Variants in BTBD9 observed in about 807,000 individuals in gnomAD.
BTBD9 encodes BTB/POZ domain-containing protein 9.
BTBD9 carries 49 observed loss-of-function variants against 64.3 expected under a neutral mutation model. The ratio of observed to expected loss-of-function variants is 0.76; its 90% CI spans 0.61 to 0.97. The LOEUF (loss-of-function observed/expected upper bound fraction) is 0.97, where lower values mean the gene tolerates loss of function less well. BTBD9 is among the 50% of genes least tolerant of loss of function. BTBD9 has a pLI of 0.00. For synonymous variants in BTBD9, 260 were observed against 274.7 expected, an observed-to-expected ratio of 0.95 and a Z score of 0.53; for missense variants, 598 against 762.1, an observed-to-expected ratio of 0.78 and a Z score of 2.53.
intron 8 of BTBD9, 60 bp from the exon 9 acceptor site, chr6:38,256,576 T>A (rs1764587558): frequency 2.4e-6 from 3 of 1,262,178 alleles, no homozygotes; most frequent in Non-Finnish European, 3.5e-6. Flanking sequence ...TTTCTTTAGG[T>A]TGTGGGCATA....
At chr6:38,351,721 G>A (rs1003476985) in intron 6 of BTBD9, among the ~76,000 whole-genome samples, 5 of 151,726 alleles carry the variant, frequency 3.3e-5, no homozygotes, top group African/African-American at 1.2e-4. Flanking sequence ...GTATGGTCTC[G>A]ATCTCCTGAC....
intron 6 of BTBD9, among the ~76,000 whole-genome samples, chr6:38,450,260 T>C (rs1003226519): frequency 6.6e-6 from 1 of 152,148 alleles, no homozygotes; most frequent in Non-Finnish European, 1.5e-5. Flanking sequence ...GAGGCTGCGG[T>C]GTTTAGCAGG....
intron 6 of BTBD9, among the ~76,000 whole-genome samples, chr6:38,400,528 A>G (rs1455535167): frequency 6.6e-6 from 1 of 151,824 alleles, no homozygotes; most frequent in Non-Finnish European, 1.5e-5. Context: ...TTCTCCCCAA[A>G]AGCCTTCTTT....
chr6:38,584,941 T>A (rs1289944966), intron 4 of BTBD9, among the ~76,000 whole-genome samples: 1 of 152,118 alleles, frequency 6.6e-6, no homozygotes, highest in East Asian at 1.9e-4. Context: ...GAGTATTTGC[T>A]TGGTGAGTCA....
At chr6:38,320,621 A>G (rs1763196867) in intron 7 of BTBD9, among the ~76,000 whole-genome samples, 1 of 152,144 alleles carries the variant, frequency 6.6e-6, no homozygotes, top group Non-Finnish European at 1.5e-5. Context: ...CCATTTAACC[A>G]TTCTGTGACT....
intron 6 of BTBD9, among the ~76,000 whole-genome samples, chr6:38,567,559 C>T (rs1323891956): frequency 1.3e-5 from 2 of 152,176 alleles, no homozygotes; most frequent in Admixed American, 6.5e-5. Context: ...TCCAAGTGTT[C>T]GTGCTACCAC....
chr6:38,542,016 G>A (rs1277419016), intron 6 of BTBD9, among the ~76,000 whole-genome samples: 1 of 152,122 alleles, frequency 6.6e-6, no homozygotes, highest in African/African-American at 2.4e-5. Flanking sequence ...AATATACAGG[G>A]AGGAGAGATC....
At chr6:38,608,370 G>A (rs150184920) in intron 1 of BTBD9, among the ~76,000 whole-genome samples, 123 of 152,298 alleles carry the variant, frequency 8.1e-4, no homozygotes, top group African/African-American at 2.5e-3. Flanking sequence ...CATGATGAGC[G>A]CAGAGGTTAT....
intron 6 of BTBD9, among the ~76,000 whole-genome samples, chr6:38,425,234 T>C (rs1768093240): frequency 6.6e-6 from 1 of 151,408 alleles, no homozygotes; most frequent in Non-Finnish European, 1.5e-5. Context: ...GCCTCCTGAG[T>C]AGCTGAGATT....
intron 6 of BTBD9, among the ~76,000 whole-genome samples, chr6:38,428,713 T>C (rs1329148881): frequency 6.6e-6 from 1 of 151,162 alleles, no homozygotes; most frequent in Non-Finnish European, 1.5e-5. Flanking sequence ...TTTTCGTTTT[T>C]TCTTTTTTTT....
intron 6 of BTBD9, among the ~76,000 whole-genome samples, chr6:38,438,392 C>A (rs1768853960): frequency 6.6e-6 from 1 of 152,080 alleles, no homozygotes; most frequent in Non-Finnish European, 1.5e-5. Context: ...GTACAAGGTG[C>A]AGAGTATAGC....
At chr6:38,627,734 G>A (rs1203104271) in intron 1 of BTBD9, among the ~76,000 whole-genome samples, 1 of 152,052 alleles carries the variant, frequency 6.6e-6, no homozygotes, top group Non-Finnish European at 1.5e-5. Context: ...TCCTTAAAAA[G>A]TGATTTTTTT....
At chr6:38,286,697 A>G (rs2127554360) in intron 8 of BTBD9, among the ~76,000 whole-genome samples, 1 of 152,334 alleles carries the variant, frequency 6.6e-6, no homozygotes, top group Non-Finnish European at 1.5e-5. Flanking sequence ...GACGAACTGC[A>G]TTTATGATTG....
At chr6:38,444,156 A>G (rs1045536096) in intron 6 of BTBD9, among the ~76,000 whole-genome samples, 4 of 152,268 alleles carry the variant, frequency 2.6e-5, no homozygotes, top group Admixed American at 6.5e-5. Context: ...AACCATCTAG[A>G]AGAGGTTAAA....
chr6:38,564,437 G>T (rs1775393561), intron 6 of BTBD9, among the ~76,000 whole-genome samples: 1 of 152,180 alleles, frequency 6.6e-6, no homozygotes, highest in African/African-American at 2.4e-5. Context: ...TTCTCTGGAA[G>T]AAGTGGCATT....
intron 6 of BTBD9, among the ~76,000 whole-genome samples, chr6:38,555,924 A>T (rs916864804): frequency 2.6e-5 from 4 of 152,238 alleles, no homozygotes; most frequent in Admixed American, 6.5e-5. Context: ...AACAATCAGT[A>T]AAACACTATA....
intron 6 of BTBD9, among the ~76,000 whole-genome samples, chr6:38,468,625 A>G (rs1211078312): frequency 6.6e-6 from 1 of 152,200 alleles, no homozygotes; most frequent in Non-Finnish European, 1.5e-5. Context: ...AGCCCCTTGA[A>G]GGCAGAAATC....
intron 6 of BTBD9, among the ~76,000 whole-genome samples, chr6:38,358,891 C>T (rs1764840414): frequency 1.3e-5 from 2 of 151,940 alleles, no homozygotes; most frequent in South Asian, 4.2e-4. Flanking sequence ...CCTGCCTCAG[C>T]CTCCCGAGTA....
At chr6:38,406,675 C>T (rs141697175) in intron 6 of BTBD9, among the ~76,000 whole-genome samples, 7 of 152,270 alleles carry the variant, frequency 4.6e-5, no homozygotes, top group African/African-American at 7.2e-5. Context: ...CTACAGGTAT[C>T]GTGTCATCTG....
Sources: allele counts gnomAD v4.1 joint callset (sites outside exome capture counted in the v4.1 genomes callset), GRCh38; gene constraint gnomAD v4.1.1; transcripts MANE v1.5; gene names NCBI Gene and HGNC (gene_info 2026-07-23, HGNC 2026-07-21).